The following NPL variants were observed in gnomAD, a reference collection of about 807,000 sequenced individuals.
NPL encodes N-acetylneuraminate pyruvate lyase.
A neutral mutation model predicts 41.1 loss-of-function variants in NPL; 32 were observed. The ratio of observed to expected loss-of-function variants is 0.78; its 90% CI spans 0.59 to 1.05. The LOEUF is 1.05. NPL is among the 50% of genes least tolerant of loss of function. The pLI is 0.00. For synonymous variants in NPL, 128 were observed against 134.9 expected (o/e 0.95, Z 0.35); for missense variants, 321 against 378.4 (o/e 0.85, Z 1.26).
intron 12 of NPL, 75 bp downstream of exon 12, chr1:182,825,895 AG>A (rs780245572): frequency 2.6e-5 from 28 of 1,095,776 alleles, no homozygotes; most frequent in Non-Finnish European, 3.9e-5. Flanking sequence ...ACTTTCTCTG[AG>A]GGTTCAACAA....
intron 1 of NPL, among the ~76,000 whole-genome samples, chr1:182,790,683 G>T (rs1333823045): frequency 2.0e-5 from 3 of 151,936 alleles, no homozygotes; most frequent in Admixed American, 2.0e-4. Context: ...CGCTCTTGTC[G>T]CCCAGGCCGG....
chr1:182,828,977 A>G lies in NPL; in HGVS notation c.*69A>G. 6.2e-7 allele frequency: 1 copy of G among 1,604,578 alleles called. No individual in the cohort carries two copies. Among genetic ancestry groups the G allele is most frequent in the Non-Finnish European group, 8.5e-7 (1 of 1,178,822 alleles). ...ACCTTAAATAGTGCATTTTTTTCTCAGGGAATTTTAGATGAACTTGAATAA... is the reference window on the plus strand; with the variant it reads ...ACCTTAAATAGTGCATTTTTTTCTCGGGGAATTTTAGATGAACTTGAATAA... On this transcript the variant is annotated 3_prime_UTR_variant, in exon 13 of 13. Transcript: ENST00000367553. The surrounding 1 kb of genome is among the most constrained non-coding windows in gnomAD (Gnocchi z 4.0).
chr1:182,809,083 G>A (rs1007521590), intron 5 of NPL: 9 of 280,376 alleles, frequency 3.2e-5, no homozygotes, highest in Admixed American at 2.7e-4. Context: ...CATCCTGATG[G>A]ATTGATCAGA....
intron 12 of NPL, chr1:182,826,128 G>C (rs1262555785): frequency 8.9e-6 from 4 of 450,382 alleles, no homozygotes; most frequent in Non-Finnish European, 1.6e-5. Flanking sequence ...CTGCATTGAG[G>C]TTGATTTCAG....
chr1:182,804,662 T>G (rs539216362), intron 4 of NPL, among the ~76,000 whole-genome samples: 1 of 152,298 alleles, frequency 6.6e-6, no homozygotes, highest in South Asian at 2.1e-4. Flanking sequence ...CTCGGACCCT[T>G]GGATGCATTT....
rs79268535 is a variant in NPL, at chr1:182,803,537, GA to G, written c.69-154del. Among the ~76,000 whole-genome samples the G allele has an allele frequency of 3.6e-3, 552 of 152,078 alleles. 9 individuals carry two copies. The East Asian group carries it at 0.063, about 17-fold the overall frequency. ...GAAGAAATCACCAGATTCAGGGGGGGAAAAAAACCCCAGGCATTATTTACAG... is the reference window on the plus strand; with the variant it reads ...GAAGAAATCACCAGATTCAGGGGGGGAAAAAACCCCAGGCATTATTTACAG... On this transcript the variant is annotated intron_variant, in intron 3 of 12. Coordinates refer to ENST00000367553, the MANE Select transcript of NPL (RefSeq NM_030769.3).
intron 3 of NPL, among the ~76,000 whole-genome samples, chr1:182,799,162 G>A (rs1666762237): frequency 2.0e-5 from 3 of 152,236 alleles, no homozygotes. Flanking sequence ...TACCGTAAGA[G>A]AAGAGTTGTA....
chr1:182,813,422 A>G (rs1160647540), intron 6 of NPL, among the ~76,000 whole-genome samples: 1 of 152,248 alleles, frequency 6.6e-6, no homozygotes, highest in African/African-American at 2.4e-5. Flanking sequence ...ATTAGCCATA[A>G]TAAGTGTGGA....
intron 5 of NPL, chr1:182,806,606 C>A (rs1002328449): frequency 1.4e-5 from 21 of 1,475,012 alleles, no homozygotes; most frequent in Non-Finnish European, 1.6e-5. Flanking sequence ...CCCTTCCCTT[C>A]TTGGGATGAG....
chr1:182,796,880 C>T (rs1197571384), intron 3 of NPL, among the ~76,000 whole-genome samples: 1 of 151,982 alleles, frequency 6.6e-6, no homozygotes, highest in East Asian at 1.9e-4. Context: ...ACTAAAAATA[C>T]AAAAATTAGC....
chr1:182,803,070 T>A (rs1277806959), intron 3 of NPL, among the ~76,000 whole-genome samples: 2 of 152,204 alleles, frequency 1.3e-5, no homozygotes, highest in Non-Finnish European at 2.9e-5. Context: ...AAATATTAAG[T>A]GCTAAAATTC....
intron 1 of NPL, chr1:182,791,402 CA>C (rs1291618827): frequency 1.3e-5 from 2 of 152,058 alleles, no homozygotes; most frequent in African/African-American, 4.8e-5. Flanking sequence ...AAGTATAGTG[CA>C]GGCACGAAGA....
chr1:182,823,726 A>G (rs552621205), intron 11 of NPL, among the ~76,000 whole-genome samples: 4 of 152,354 alleles, frequency 2.6e-5, no homozygotes, highest in African/African-American at 9.6e-5. Flanking sequence ...TGAAGCAGCT[A>G]TAATGCTGAC....
Position 182,816,800 on chromosome 1 carries a change from G to T in NPL, c.451G>T (p.Val151Leu). ...CTATCACATTCCTGCCTTGACAGGG[G>T]TAAAGAGTAAGTACTGCTTCTGTTG... is the stretch of plus-strand genomic sequence containing the variant. ...YYYHIPALTG[V>L]KIRAEELLDG... is the part of the protein sequence containing the mutation. Residue 151 changes from valine to leucine, a missense_variant, in exon 8 of 13, where the codon GTA becomes TTA. Val to Leu is a conservative substitution (Grantham distance 32). Transcript: ENST00000367553. The T allele has an allele frequency of 6.2e-7, 1 of 1,609,842 alleles. No homozygotes were observed.
Position 182,829,264 on chromosome 1 carries a change from T to A in NPL, c.*356T>A. Reference sequence around the variant, plus strand: ...CTAATCCTATTTTAAAGTTGTCTAATTTTAAACCACTATAATATGTCTTCA... The same window carrying A: ...CTAATCCTATTTTAAAGTTGTCTAAATTTAAACCACTATAATATGTCTTCA... On this transcript the variant is annotated 3_prime_UTR_variant, in exon 13 of 13. Transcript: ENST00000367553. 1 of 1,188,096 alleles carries A rather than the reference T, an allele frequency of 8.4e-7. No individual in the cohort carries two copies. The allele number at this position is 1,188,096 out of a possible 1,614,324, so 73.6% of individuals were successfully genotyped here. A position where few individuals can be genotyped will look rare whatever the true frequency, so the allele number is the denominator to read the frequency against.
intron 1 of NPL, among the ~76,000 whole-genome samples, chr1:182,790,981 A>C (rs1666498102): frequency 6.6e-6 from 1 of 152,150 alleles, no homozygotes; most frequent in African/African-American, 2.4e-5. Context: ...TAGGCGTTTC[A>C]AAGTTTGCAA....
intron 5 of NPL, among the ~76,000 whole-genome samples, chr1:182,810,736 C>G (rs779612641): frequency 1.3e-5 from 2 of 151,760 alleles, no homozygotes; most frequent in Admixed American, 6.6e-5. Context: ...TAAGGCTTAA[C>G]AGTAATAACT....
intron 12 of NPL, among the ~76,000 whole-genome samples, chr1:182,827,784 C>T (rs1228550720): frequency 6.6e-6 from 1 of 152,142 alleles, no homozygotes; most frequent in Non-Finnish European, 1.5e-5. Context: ...GGTTCTCCTG[C>T]TGCTGCTTTT....
intron 5 of NPL, among the ~76,000 whole-genome samples, chr1:182,810,740 A>G (rs1021709377): frequency 2.6e-5 from 4 of 152,016 alleles, no homozygotes; most frequent in Non-Finnish European, 5.9e-5. Context: ...GCTTAACAGT[A>G]ATAACTGCTA....
Sources: allele counts gnomAD v4.1 joint callset (sites outside exome capture counted in the v4.1 genomes callset), GRCh38; gene constraint gnomAD v4.1.1; non-coding constraint Gnocchi (gnomAD v3.1); transcripts MANE v1.5; gene names NCBI Gene and HGNC (gene_info 2026-07-23, HGNC 2026-07-21).